The following RFC4 variants were observed in gnomAD, a reference collection of about 807,000 sequenced individuals.
RFC4 encodes the protein A1 37 kDa subunit.
In RFC4, 38 loss-of-function variants were observed where a neutral mutation model predicts 47.6. The observed-to-expected ratio is 0.80, with a 90% CI of 0.62 to 1.05. The LOEUF is 1.05. Among genes scored for constraint, RFC4 ranks in the 50% least tolerant of loss-of-function variants. The probability of loss-of-function intolerance (pLI) is 0.00; values close to 1 mark genes in which losing one functional copy is unlikely to be tolerated. For synonymous variants in RFC4, 164 were observed against 150.0 expected, an observed-to-expected ratio of 1.09 and a Z score of -0.68; for missense variants, 489 against 434.0, an observed-to-expected ratio of 1.13 and a Z score of -1.13.
At chr3:186,791,894 G>A in intron 7 of RFC4, 44 bp from the exon 8 acceptor site, 2 of 1,516,556 alleles carry the variant, frequency 1.3e-6, no homozygotes, top group Non-Finnish European at 1.8e-6. Context: ...GGCCAATTAA[G>A]GATTTATAAC....
In RFC4 at chr3:186,790,050, G is replaced by C; in HGVS notation, c.1011C>G (p.Cys337Trp). Residue 337 changes from cysteine to tryptophan, a missense_variant, in exon 11 of 11, where the codon TGC (cysteine) becomes TGG (tryptophan). Cys to Trp is a radical substitution (Grantham distance 215). Around this residue, in one of 2 missense-constraint regions of RFC4, gnomAD observed 283 missense variants for 176.2 expected, o/e 1.61. Coordinates refer to ENST00000296273, the MANE Select transcript of RFC4 (RefSeq NM_002916.5). The stretch of plus-strand genomic sequence containing the variant: ...AATGTTCATCAGCACCATCTGCTAG[G>C]CATTTGTCAACTTCCTACGAGAAAA... ...ITEKLAEVDK[C>W]LADGADEHLQ... 1 of 1,613,316 alleles carries C rather than the reference G, an allele frequency of 6.2e-7. No individual in the cohort carries two copies. The highest frequency in any genetic ancestry group is 1.1e-5 in the South Asian group (1 of 91,028).
At chr3:186,791,483 C>A (rs200967300) in intron 8 of RFC4, 225 of 413,758 alleles carry the variant, frequency 5.4e-4, no homozygotes, top group African/African-American at 1.2e-3. Context: ...AAAAAAAAAA[C>A]AAAAAAACTA....
intron 2 of RFC4, 107 bp downstream of exon 2, chr3:186,804,476 A>C: frequency 8.6e-7 from 1 of 1,162,358 alleles, no homozygotes; most frequent in South Asian, 1.7e-5. Flanking sequence ...GACAACTTCT[A>C]AACAGAACAA....
chr3:186,801,059 G>T, intron 3 of RFC4, 58 bp downstream of exon 3: 1 of 1,231,690 alleles, frequency 8.1e-7, no homozygotes, highest in Non-Finnish European at 1.2e-6. Context: ...GGAAGAAAGA[G>T]GGTGAATAAA....
chr3:186,801,146 C>T lies in RFC4; in HGVS notation c.181G>A (p.Val61Met), dbSNP rs151335809. Reference sequence around the variant, plus strand: ...GCTCCTTCTAAAGATTTTTTCAGCACTGCAACCACTTCTTCCTGGAAAGCA... The same window carrying T: ...GCTCCTTCTAAAGATTTTTTCAGCATTGCAACCACTTCTTCCTGGAAAGCA... ...EVAFQEEVVA[V>M]LKKSLEGADL... Residue 61 changes from valine (V) to methionine (M), a missense_variant, in exon 3 of 11, where the codon GTG becomes ATG. By Grantham distance (21) the Val-to-Met change is conservative. Transcript: ENST00000296273. 6.8e-4 allele frequency: 1,094 copies of T among 1,614,096 alleles called. 3 individuals are homozygous for T. The highest frequency in any genetic ancestry group is 2.2e-4 in the East Asian group (10 of 44,870).
intron 4 of RFC4, among the ~76,000 whole-genome samples, chr3:186,795,806 T>TAAAC (rs1478066377): frequency 1.3e-5 from 2 of 151,806 alleles, no homozygotes; most frequent in Non-Finnish European, 2.9e-5. Context: ...AATAAATAAA[T>TAAAC]AAACAAATAA....
chr3:186,804,724 C>A lies in RFC4; in HGVS notation c.-11G>T. 1 of 1,608,514 alleles carries A rather than the reference C, an allele frequency of 6.2e-7. No individual in the cohort carries two copies. The highest frequency in any genetic ancestry group is 1.3e-5 in the African/African-American group (1 of 74,828). On this transcript the variant is annotated splice_region_variant and 5_prime_UTR_variant, in exon 2 of 11. Coordinates refer to ENST00000296273, the MANE Select transcript of RFC4 (RefSeq NM_002916.5). The stretch of plus-strand genomic sequence containing the variant: ...AAGAAATGCTTGCATGGTACTTCAC[C>A]CTGGTCAGGTGCAAGACAGAAAAAA...
intron 2 of RFC4, among the ~76,000 whole-genome samples, chr3:186,802,347 G>A (rs746703176): frequency 6.6e-6 from 1 of 151,934 alleles, no homozygotes; most frequent in Non-Finnish European, 1.5e-5. Flanking sequence ...AAAAAGCATT[G>A]TTCCACTTTG....
intron 1 of RFC4, chr3:186,805,413 G>A (rs957950484): frequency 6.6e-6 from 1 of 152,206 alleles, no homozygotes; most frequent in South Asian, 2.1e-4. Context: ...GTAGAGACAG[G>A]GTTTCACCAT....
chr3:186,799,484 G>A (rs1469030851), intron 3 of RFC4, among the ~76,000 whole-genome samples: 2 of 152,184 alleles, frequency 1.3e-5, no homozygotes, highest in Admixed American at 1.3e-4. Context: ...GCTCATGCCT[G>A]TAATCCCAGC....
chr3:186,791,633 T>C lies in RFC4; in HGVS notation c.801+92A>G, dbSNP rs1382830366. On this transcript the variant is annotated intron_variant, in intron 8 of 10. Transcript: ENST00000296273. ...TACTTCCTAGTGCAGTACTTGGCAC[T>C]TGCTAAACACCCAGTATTTGTTGGA... The C allele has an allele frequency of 4.4e-6, 5 of 1,139,966 alleles. No homozygotes were observed. The South Asian group carries it at 6.2e-5, about 14-fold the overall frequency. 70.6% of individuals were successfully genotyped at this position (1,139,966 alleles called of 1,614,324 possible).
At chr3:186,805,047 A>C (rs1722447411) in intron 1 of RFC4, among the ~76,000 whole-genome samples, 1 of 152,220 alleles carries the variant, frequency 6.6e-6, no homozygotes, top group African/African-American at 2.4e-5. Flanking sequence ...TGCATTGATA[A>C]ATATGATGTT....
intron 2 of RFC4, among the ~76,000 whole-genome samples, chr3:186,803,670 A>AT (rs766384165): frequency 1.8e-3 from 238 of 134,366 alleles, no homozygotes; most frequent in Admixed American, 2.0e-3. Context: ...TGCCTGGCTA[A>AT]TTTTTTTTTT....
At position 186,800,945 on chromosome 3, in the gene RFC4, G is replaced by A. The variant is rs189114399; in HGVS notation, c.210+172C>T. On this transcript the variant is annotated intron_variant, in intron 3 of 10. Transcript: ENST00000296273. ...TAACACTGCTATGTAAGATTAAATA[G>A]GAGATGCTCAATAAATATTTGAACT... 1.3e-4 allele frequency among the ~76,000 whole-genome samples: 20 copies of A among 152,232 alleles called. No individual in the cohort carries two copies. In the East Asian group the frequency reaches 3.7e-3, roughly 28 times the overall value.
intron 6 of RFC4, 35 bp downstream of exon 6, chr3:186,792,769 C>G: frequency 6.3e-7 from 1 of 1,576,198 alleles, no homozygotes; most frequent in South Asian, 1.2e-5. Context: ...GAAAATAAGG[C>G]TGCCTAGCAT....
At chr3:186,795,576 C>T (rs1579179600) in intron 4 of RFC4, among the ~76,000 whole-genome samples, 3 of 152,118 alleles carry the variant, frequency 2.0e-5, no homozygotes, top group African/African-American at 7.2e-5. Flanking sequence ...GGGTGGATCA[C>T]GAGGTCAGGA....
chr3:186,799,807 ATC>A (rs1722315298), intron 3 of RFC4, among the ~76,000 whole-genome samples: 2 of 152,146 alleles, frequency 1.3e-5, no homozygotes, highest in South Asian at 4.1e-4. Context: ...TTGTCCTGCA[ATC>A]TGTGTAATTA....
intron 3 of RFC4, among the ~76,000 whole-genome samples, chr3:186,800,566 A>G (rs1722330986): frequency 6.6e-6 from 1 of 152,224 alleles, no homozygotes; most frequent in African/African-American, 2.4e-5. Flanking sequence ...GGTTTATCTT[A>G]TCTCAGAATA....
rs780453738 is a variant in RFC4, at chr3:186,789,957, G to GAT, written c.*10_*11dup. ...CATTATTTACAAAACCCCCCATCCA[G>GAT]ATATATTCACGTTAACAATTCTGAG... is the stretch of plus-strand genomic sequence containing the variant. On this transcript the variant is annotated 3_prime_UTR_variant, in exon 11 of 11. Transcript: ENST00000296273. 1.4e-5 allele frequency: 21 copies of GAT among 1,524,658 alleles called. 1 individual carries two copies. In the South Asian group the frequency reaches 1.6e-4, roughly 12 times the overall value. 94.4% of individuals were successfully genotyped at this position (1,524,658 alleles called of 1,614,324 possible).
Sources: allele counts gnomAD v4.1 joint callset (sites outside exome capture counted in the v4.1 genomes callset), GRCh38; gene constraint gnomAD v4.1.1; regional missense constraint gnomAD v4.1.1; transcripts MANE v1.5; gene names NCBI Gene and HGNC (gene_info 2026-07-23, HGNC 2026-07-21).